Variants in ZNF184 observed in about 807,000 individuals in gnomAD.
ZNF184 encodes zinc finger protein 184 (Kruppel-like).
ZNF184 carries 16 observed loss-of-function variants against 54.4 expected under a neutral mutation model. That is an observed-to-expected ratio of 0.29 (90% CI 0.20 to 0.45). The LOEUF is 0.45. Ranked by LOEUF, ZNF184 falls within the 20% of genes least tolerant of loss-of-function variation. The pLI, the probability that ZNF184 is intolerant of heterozygous loss-of-function variation, is 1.00. For missense variants in ZNF184, 681 were observed against 888.2 expected (o/e 0.77, Z 2.97); for synonymous variants, 254 against 295.3 (o/e 0.86, Z 1.43).
At chr6:27,450,299 A>G (rs1406918830), downstream of ZNF184, among the ~76,000 whole-genome samples, 2 of 152,202 alleles carry the variant, frequency 1.3e-5, no homozygotes, top group Admixed American at 6.5e-5. Context: ...TATGGACTTA[A>G]TATGTTCTCT....
At chr6:27,432,200 CG>C in the ZNF184 span, among the ~76,000 whole-genome samples, 3 of 151,976 alleles carry the variant, frequency 2.0e-5, no homozygotes, top group South Asian at 2.1e-4. This position sits in a 1 kb window ranked among gnomAD's most constrained non-coding sequence, Gnocchi z 4.0. Context: ...TGAAAGCTGT[CG>C]GCAGTCAACT....
At chr6:27,424,448 C>T in the ZNF184 span, among the ~76,000 whole-genome samples, 1 of 152,112 alleles carries the variant, frequency 6.6e-6, no homozygotes, top group African/African-American at 2.4e-5. Flanking sequence ...TTGGTAGAGC[C>T]GAGTGGTCTG....
chr6:27,406,089 G>A, the ZNF184 span: 1 of 152,066 alleles, frequency 6.6e-6, no homozygotes, highest in Non-Finnish European at 1.5e-5. Flanking sequence ...ATATATAATG[G>A]GGCTATACAT....
the ZNF184 span, among the ~76,000 whole-genome samples, chr6:27,438,421 T>C: frequency 6.6e-6 from 1 of 152,198 alleles, no homozygotes; most frequent in Non-Finnish European, 1.5e-5. Flanking sequence ...AATTCCACTG[T>C]AGGAGTACTT....
rs544040314 is a variant in ZNF184 at position 27,453,921 on chromosome 6, C to CA, written c.299-662dup. ...AAATGTAGGATGGAAAGTATCAGCT[C>CA]AAAAAAAGAAGGACAAGAATAGCTA... On this transcript the variant is annotated intron_variant, in intron 5 of 5. Coordinates refer to ENST00000683788, the MANE Select transcript of ZNF184 (RefSeq NM_001318891.2). The surrounding 1 kb of genome is among the most constrained non-coding windows in gnomAD (Gnocchi z 4.7). Among the ~76,000 whole-genome samples, 311 of 151,544 alleles carry CA rather than the reference C, an allele frequency of 2.1e-3. 1 individual carries two copies. The highest frequency in any genetic ancestry group is 7.2e-3 in the African/African-American group (298 of 41,252).
chr6:27,430,422 A>G, the ZNF184 span, among the ~76,000 whole-genome samples: 2 of 145,498 alleles, frequency 1.4e-5, no homozygotes, highest in Non-Finnish European at 3.0e-5. Context: ...TGCAGGCATG[A>G]TTAAGTCAAG....
chr6:27,427,116 TAA>T, the ZNF184 span, among the ~76,000 whole-genome samples: 6 of 106,882 alleles, frequency 5.6e-5, no homozygotes, highest in African/African-American at 7.2e-5. Flanking sequence ...ACACTCTATG[TAA>T]AAAAAAAAAA....
the ZNF184 span, among the ~76,000 whole-genome samples, chr6:27,437,489 A>G: frequency 6.6e-6 from 1 of 152,194 alleles, no homozygotes; most frequent in Non-Finnish European, 1.5e-5. Flanking sequence ...ATTCTTCTAC[A>G]GATCCTTTAG....
chr6:27,438,980 AT>A, the ZNF184 span, among the ~76,000 whole-genome samples: 1 of 152,128 alleles, frequency 6.6e-6, no homozygotes, highest in Admixed American at 6.6e-5. Context: ...TTAATTTTTT[AT>A]TTCTCAAAAT....
Position 27,451,132 on chromosome 6 carries a change from TTAATAA to T in ZNF184, c.*165_*170del. On this transcript the variant is annotated 3_prime_UTR_variant, in exon 6 of 6. Transcript: ENST00000683788. ...GAGTTTTCTAATGTCACAGAGTGGC[TTAATAA>T]CAATTGGATTAGTTCAGCCCAATGT... 1.5e-6 allele frequency: 1 copy of T among 668,378 alleles called. No homozygotes were observed. Among genetic ancestry groups the T allele is most frequent in the East Asian group, 2.9e-5 (1 of 33,972 alleles). The allele number at this position is 668,378 out of a possible 1,614,324, so 41.4% of individuals were successfully genotyped here. A position where few individuals can be genotyped will look rare whatever the true frequency, so the allele number is the denominator to read the frequency against.
At chr6:27,442,854 GAAAGAAAGAA>G in the ZNF184 span, among the ~76,000 whole-genome samples, 4 of 68,768 alleles carry the variant, frequency 5.8e-5, no homozygotes, top group African/African-American at 1.7e-4. Flanking sequence ...AAGAAAGAAA[GAAAGAAAGAA>G]AGAAAGAAAG....
At chr6:27,465,753 T>C (rs561910106) in intron 3 of ZNF184, among the ~76,000 whole-genome samples, 1 of 152,218 alleles carries the variant, frequency 6.6e-6, no homozygotes, top group East Asian at 1.9e-4. Flanking sequence ...TTGCGAAAAT[T>C]GGTAAAACAG....
chr6:27,447,435 G>A (rs149265987), downstream of ZNF184, among the ~76,000 whole-genome samples: 424 of 151,982 alleles, frequency 2.8e-3, 4 homozygotes, highest in African/African-American at 9.9e-3. Flanking sequence ...TAGGTCGGCC[G>A]GGCACAGTGA....
chr6:27,436,203 C>A, the ZNF184 span, among the ~76,000 whole-genome samples: 2 of 151,938 alleles, frequency 1.3e-5, no homozygotes, highest in Non-Finnish European at 2.9e-5. Flanking sequence ...GAGACTGAGT[C>A]TCACTCTGTC....
the ZNF184 span, among the ~76,000 whole-genome samples, chr6:27,425,255 C>T: frequency 6.6e-6 from 1 of 152,240 alleles, no homozygotes; most frequent in Non-Finnish European, 1.5e-5. Context: ...TGGCCTTTGC[C>T]AGCCCAGAAA....
intron 2 of ZNF184, among the ~76,000 whole-genome samples, chr6:27,471,201 G>A (rs1763266621): frequency 6.6e-6 from 1 of 152,170 alleles, no homozygotes; most frequent in Admixed American, 6.5e-5. Flanking sequence ...CAGGTAGGAA[G>A]AAATAGAAGG....
At position 27,472,559 on chromosome 6, in the gene ZNF184, T is replaced by G. The variant is rs1763305010; in HGVS notation, c.-139-126A>C. 1 of 471,466 alleles carries G rather than the reference T, an allele frequency of 2.1e-6. No homozygotes were observed. Among genetic ancestry groups the G allele is most frequent in the Non-Finnish European group, 3.9e-6 (1 of 259,402 alleles). 29.2% of individuals were successfully genotyped at this position (471,466 alleles called of 1,614,324 possible). ...AGAGCACTAGAGAGGTGTGTGGCAC[T>G]CCGATGAACAAAACAGAGTGGAGAT... On this transcript the variant is annotated intron_variant, in intron 1 of 5. Transcript: ENST00000683788. This position sits in a 1 kb window ranked among gnomAD's most constrained non-coding sequence, Gnocchi z 4.8.
At chr6:27,424,188 C>A in the ZNF184 span, among the ~76,000 whole-genome samples, 1 of 152,166 alleles carries the variant, frequency 6.6e-6, no homozygotes, top group African/African-American at 2.4e-5. Flanking sequence ...GCTCTTAAGG[C>A]ACCGCGTCTG....
the ZNF184 span, among the ~76,000 whole-genome samples, chr6:27,440,014 A>C: frequency 6.6e-6 from 1 of 152,246 alleles, no homozygotes; most frequent in Admixed American, 6.5e-5. Context: ...TATGCTAAAA[A>C]AAAACTGGGC....
Sources: gnomAD v4.1 joint callset for allele counts (sites outside exome capture counted in the v4.1 genomes callset) on GRCh38, gnomAD v4.1.1 for gene constraint, Gnocchi (gnomAD v3.1) non-coding constraint, MANE v1.5 for transcripts, NCBI Gene and HGNC (gene_info 2026-07-23, HGNC 2026-07-21) for gene names.